NCBP1: variants seen among roughly 807,000 people sequenced by gnomAD.
The protein encoded by NCBP1 is nuclear cap-binding protein subunit 1.
A neutral mutation model predicts 111.7 loss-of-function variants in NCBP1; 16 were observed. The ratio of observed to expected loss-of-function variants is 0.14; its 90% CI spans 0.10 to 0.22. The LOEUF (loss-of-function observed/expected upper bound fraction) is 0.22. NCBP1 is among the 10% of genes least tolerant of loss of function. The pLI is 1.00. For synonymous variants in NCBP1, 304 were observed against 314.3 expected, an observed-to-expected ratio of 0.97 and a Z score of 0.35; for missense variants, 607 against 957.5, an observed-to-expected ratio of 0.63 and a Z score of 4.83.
intron 19 of NCBP1, among the ~76,000 whole-genome samples, chr9:97,666,297 T>C (rs1352487300): frequency 6.6e-6 from 1 of 152,238 alleles, no homozygotes; most frequent in Non-Finnish European, 1.5e-5. Flanking sequence ...CTAATGAGTT[T>C]CTTAAACATT....
In NCBP1 at chr9:97,666,788, T is replaced by C; in HGVS notation, c.1927T>C (p.Ser643Pro). ...TRLFVWEILH[S>P]TIRKMNKHVL... ...ATTGTTTGTTTGGGAAATTTTGCAC[T>C]CTACAATTCGTAAGATGAACAAACA... The change falls in exon 20 of 23, where the codon TCT (serine) becomes CCT (proline). Residue 643 changes from serine (S) to proline (P), a missense_variant. Ser to Pro is a moderately conservative substitution (Grantham distance 74). Transcript: ENST00000375147. 1 of 1,605,230 alleles carries C rather than the reference T, an allele frequency of 6.2e-7. No individual in the cohort carries two copies. Among genetic ancestry groups the C allele is most frequent in the Non-Finnish European group, 8.5e-7 (1 of 1,177,184 alleles).
intron 3 of NCBP1, among the ~76,000 whole-genome samples, chr9:97,641,949 G>A (rs1827218427): frequency 6.6e-6 from 1 of 152,046 alleles, no homozygotes; most frequent in African/African-American, 2.4e-5. Context: ...ATATTTTTAA[G>A]CATGTACATT....
chr9:97,639,589 C>A (rs888135458), intron 1 of NCBP1, among the ~76,000 whole-genome samples: 1 of 152,052 alleles, frequency 6.6e-6, no homozygotes, highest in Non-Finnish European at 1.5e-5. Context: ...TTATTAATAC[C>A]GATTCCCTGC....
intron 19 of NCBP1, among the ~76,000 whole-genome samples, chr9:97,665,774 G>A (rs1282161635): frequency 1.5e-5 from 1 of 64,712 alleles, no homozygotes; most frequent in East Asian, 4.7e-4. Flanking sequence ...ACCCCACACA[G>A]TCAAAAATCT....
At chr9:97,634,053 A>G (rs2131324571) in intron 1 of NCBP1, 138 bp downstream of exon 1, 2 of 1,128,006 alleles carry the variant, frequency 1.8e-6, no homozygotes, top group East Asian at 3.1e-5. Context: ...AGAGGAGAAT[A>G]TGGTGGCGGT....
chr9:97,666,158 A>G (rs569278865), intron 19 of NCBP1, among the ~76,000 whole-genome samples: 10 of 152,326 alleles, frequency 6.6e-5, no homozygotes, highest in Non-Finnish European at 1.3e-4. Flanking sequence ...TTACTTTTTA[A>G]AAGAAAAACA....
rs1000723416 is a variant in NCBP1 at position 97,664,399 on chromosome 9, A to G, written c.1857A>G (p.Val619=). ...IRTQIVDCAA[V]ANWIFSSELS... ...CACAAATAGTTGATTGTGCTGCCGT[A>G]GCAAATTGGATCTTCTCTTCAGAAC... The change falls in exon 19 of 23, where the codon GTA becomes GTG. Residue 619 remains valine, a synonymous_variant. Transcript: ENST00000375147. 28 of 1,612,754 alleles carry G rather than the reference A, an allele frequency of 1.7e-5. No homozygotes were observed. The highest frequency in any genetic ancestry group is 2.3e-5 in the Non-Finnish European group (27 of 1,178,948).
intron 3 of NCBP1, 42 bp from the exon 4 acceptor site, chr9:97,643,162 A>G: frequency 1.3e-6 from 2 of 1,532,562 alleles, no homozygotes; most frequent in Non-Finnish European, 1.7e-6. Flanking sequence ...ACTTAACGCC[A>G]TTGTTTTGGG....
In NCBP1 at chr9:97,671,068, C is replaced by T; in HGVS notation, c.2260-18C>T. The T allele has an allele frequency of 2.0e-6, 3 of 1,534,856 alleles. No homozygotes were observed. Among genetic ancestry groups the T allele is most frequent in the Non-Finnish European group, 2.7e-6 (3 of 1,109,300 alleles). On this transcript the variant is annotated intron_variant, in intron 22 of 22. Coordinates refer to ENST00000375147, the MANE Select transcript of NCBP1 (RefSeq NM_002486.5). ...ATGCTTTTTCCTGACCTAACTACCC[C>T]CTTTTGTGTGTCCACAGCATCACCA...
intron 7 of NCBP1, 72 bp from the exon 8 acceptor site, chr9:97,647,936 G>C (rs1564020836): frequency 3.3e-6 from 4 of 1,230,252 alleles, no homozygotes; most frequent in Non-Finnish European, 4.6e-6. Flanking sequence ...TATTTTAAAG[G>C]GTAGTGATTT....
intron 1 of NCBP1, among the ~76,000 whole-genome samples, chr9:97,638,345 G>A (rs1405306153): frequency 6.6e-6 from 1 of 152,102 alleles, no homozygotes; most frequent in Non-Finnish European, 1.5e-5. Context: ...ATGTGACTAT[G>A]TACATGTATT....
chr9:97,667,917 G>A (rs1828057004), intron 20 of NCBP1, among the ~76,000 whole-genome samples: 1 of 152,180 alleles, frequency 6.6e-6, no homozygotes, highest in Admixed American at 6.5e-5. Context: ...CCTTTGAGTG[G>A]TGTTAGGAAA....
intron 6 of NCBP1, 40 bp from the exon 7 acceptor site, chr9:97,647,452 T>A: frequency 6.6e-7 from 1 of 1,522,206 alleles, no homozygotes; most frequent in Non-Finnish European, 9.1e-7. Context: ...CATCTCTTGT[T>A]TTTAAAAGCC....
intron 19 of NCBP1, among the ~76,000 whole-genome samples, chr9:97,666,225 G>A (rs1827997838): frequency 6.6e-6 from 1 of 152,176 alleles, no homozygotes; most frequent in Non-Finnish European, 1.5e-5. Context: ...GTATTTGCTA[G>A]TAAGAAAGCT....
At chr9:97,670,798 G>C (rs1828166939) in intron 22 of NCBP1, among the ~76,000 whole-genome samples, 1 of 152,184 alleles carries the variant, frequency 6.6e-6, no homozygotes, top group East Asian at 1.9e-4. Flanking sequence ...AATAGTACTA[G>C]GAGCAAGCAG....
chr9:97,634,924 C>T (rs981391676), intron 1 of NCBP1, among the ~76,000 whole-genome samples: 3 of 152,016 alleles, frequency 2.0e-5, no homozygotes. Flanking sequence ...TTTATATCTT[C>T]TGGTTTTTGT....
At position 97,656,571 on chromosome 9, in the gene NCBP1, G is replaced by A. The variant is rs549043279; in HGVS notation, c.1373+486G>A. Reference sequence around the variant, plus strand: ...TATCTCAAAAAAATAAAATAAAAAAGGTGTTATATATGAAATGAATTCAGA... The same window carrying A: ...TATCTCAAAAAAATAAAATAAAAAAAGTGTTATATATGAAATGAATTCAGA... On this transcript the variant is annotated intron_variant, in intron 14 of 22. Transcript: ENST00000375147. 3.3e-5 allele frequency among the ~76,000 whole-genome samples: 5 copies of A among 152,126 alleles called. No homozygotes were observed. The East Asian group carries it at 9.7e-4, about 29-fold the overall frequency.
intron 17 of NCBP1, 55 bp downstream of exon 17, chr9:97,662,199 C>A: frequency 7.9e-7 from 1 of 1,259,530 alleles, no homozygotes; most frequent in Non-Finnish European, 1.2e-6. Flanking sequence ...TTGGTGAACA[C>A]CAGTGGTATG....
intron 10 of NCBP1, among the ~76,000 whole-genome samples, chr9:97,653,558 G>A (rs2026132): frequency 0.7 from 101,331 of 143,794 alleles, 34,388 homozygotes; most frequent in African/African-American, 0.78. Flanking sequence ...AGTGTAGATC[G>A]AATAAGCATT....
Sources: allele counts gnomAD v4.1 joint callset (sites outside exome capture counted in the v4.1 genomes callset), GRCh38; gene constraint gnomAD v4.1.1; transcripts MANE v1.5; gene names NCBI Gene and HGNC (gene_info 2026-07-23, HGNC 2026-07-21).